KLK11: variants seen among roughly 807,000 people sequenced by gnomAD.
KLK11 encodes kallikrein related peptidase 11.
A neutral mutation model predicts 23.4 loss-of-function variants in KLK11; 10 were observed. That is an observed-to-expected ratio of 0.43 (90% CI 0.26 to 0.73). The LOEUF is 0.73. KLK11 is among the 30% of genes least tolerant of loss of function. The probability of loss-of-function intolerance (pLI) is 0.22; values close to 1 mark genes in which losing one functional copy is unlikely to be tolerated. For synonymous variants in KLK11, 131 were observed against 131.7 expected (o/e 0.99, Z 0.03); for missense variants, 285 against 327.8 (o/e 0.87, Z 1.01).
rs745599226 is a variant in KLK11 at position 51,022,564 on chromosome 19, T to C, written c.734A>G (p.Glu245Gly). ...TCCAGTCTAATTGTTCTTCATCGTC[T>C]CCTGGATCCAGTCCACATATTTGCA... ...KVCKYVDWIQ[E>G]TMKNN The change falls in exon 6 of 6, where the codon GAG becomes GGG. Residue 245 changes from glutamate (E) to glycine (G), a missense_variant. Coordinates refer to ENST00000453757, the MANE Select transcript of KLK11 (RefSeq NM_001136032.3). The C allele has an allele frequency of 3.1e-6, 5 of 1,614,110 alleles. No individual in the cohort carries two copies. The Admixed American group carries it at 5.0e-5, about 16-fold the overall frequency.
chr19:51,023,798 G>T (rs1390898158), intron 4 of KLK11: 5 of 416,764 alleles, frequency 1.2e-5, no homozygotes, highest in Non-Finnish European at 2.1e-5. Context: ...AAGATTCAGA[G>T]AGGTGAAGCT....
At chr19:51,026,963 TTC>T (rs879457687), upstream of KLK11, 35 of 157,104 alleles carry the variant, frequency 2.2e-4, no homozygotes, top group Non-Finnish European at 4.3e-4. Context: ...CTGTCTGCCT[TTC>T]TCTGTCCTCG....
Position 51,026,555 on chromosome 19 carries a change from C to G in KLK11, c.-53G>C. 7.1e-6 allele frequency: 7 copies of G among 986,672 alleles called. No homozygotes were observed. Among genetic ancestry groups the G allele is most frequent in the Non-Finnish European group, 8.4e-6 (7 of 830,430 alleles). 61.1% of individuals were successfully genotyped at this position (986,672 alleles called of 1,614,324 possible). Reference sequence around the variant, plus strand: ...GGACTCACAGGCTCTGGGGCTGGGGCTCTGGGGGCCCAGTGGCGGCGGAGA... The same window carrying G: ...GGACTCACAGGCTCTGGGGCTGGGGGTCTGGGGGCCCAGTGGCGGCGGAGA... On this transcript the variant is annotated 5_prime_UTR_variant, in exon 1 of 6. Coordinates refer to ENST00000453757, the MANE Select transcript of KLK11 (RefSeq NM_001136032.3).
chr19:51,024,219 CG>C lies in KLK11; in HGVS notation c.288del (p.Gly97AlafsTer18). ...TTGTTGGGGAGGCTGTTGTTGAAGCCGGGGTGGGGGAAGGACTCAGTGGCTG... is the reference window on the plus strand; with the variant it reads ...TTGTTGGGGAGGCTGTTGTTGAAGCCGGGTGGGGGAAGGACTCAGTGGCTG... Reference protein sequence around the residue: ...TRTATESFPHPGFNNSLPNKD... With the variant: ...TRTATESFPHXGFNNSLPNKD... On this transcript the variant is annotated frameshift_variant, in exon 4 of 6. Coordinates refer to ENST00000453757, the MANE Select transcript of KLK11 (RefSeq NM_001136032.3). LOFTEE classifies it high-confidence loss of function. The surrounding 1 kb of genome is among the most constrained non-coding windows in gnomAD (Gnocchi z 6.2). The C allele has an allele frequency of 6.2e-7, 1 of 1,614,026 alleles. No homozygotes were observed. The highest frequency in any genetic ancestry group is 2.2e-5 in the East Asian group (1 of 44,874).
chr19:51,025,624 A>G lies in KLK11; in HGVS notation c.8T>C (p.Ile3Thr), dbSNP rs1285653578. The G allele has an allele frequency of 3.1e-6, 5 of 1,590,262 alleles. No homozygotes were observed. Among genetic ancestry groups the G allele is most frequent in the Non-Finnish European group, 4.3e-6 (5 of 1,168,380 alleles). Residue 3 changes from isoleucine to threonine, a missense_variant, in exon 2 of 6, where the codon ATT becomes ACT. Physicochemically the swap from Ile to Thr is moderately conservative, Grantham distance 89 (BLOSUM62 -1). Transcript: ENST00000453757. The surrounding 1 kb of genome is among the most constrained non-coding windows in gnomAD (Gnocchi z 6.2). Reference protein sequence around the residue: MRILQLILLALAT... With the variant: MRTLQLILLALAT... ...CAGAGCAAGCAGGATTAACTGCAGA[A>G]TCCTCATGGCCTGGAGGGGGGAGGA...
chr19:51,022,738 G>GAGC (rs1568569993), intron 5 of KLK11, 41 bp from the exon 6 acceptor site: 2 of 1,610,884 alleles, frequency 1.2e-6, no homozygotes, highest in Admixed American at 3.3e-5. Context: ...AGAAAGCGTT[G>GAGC]AGCATGGTGT....
chr19:51,026,671 G>A (rs1450522356), upstream of KLK11: 8 of 902,796 alleles, frequency 8.9e-6, no homozygotes, highest in Non-Finnish European at 9.3e-6. Context: ...GCGGCCCTGG[G>A]CGGGCCCAGG....
chr19:51,026,174 A>G (rs1206884436), intron 1 of KLK11, among the ~76,000 whole-genome samples: 2 of 151,908 alleles, frequency 1.3e-5, no homozygotes, highest in Non-Finnish European at 1.5e-5. Flanking sequence ...AGCCCCAGAC[A>G]ATGTCTGGGA....
At chr19:51,027,529 G>T, upstream of KLK11, 3 of 1,613,908 alleles carry the variant, frequency 1.9e-6, no homozygotes, top group Non-Finnish European at 2.5e-6. Context: ...TGCGGAACCC[G>T]AGCGCAGATT....
Position 51,025,696 on chromosome 19 carries a change from T to A in KLK11, c.-35-30A>T. The A allele has an allele frequency of 8.7e-6, 10 of 1,153,938 alleles. No homozygotes were observed. Among genetic ancestry groups the A allele is most frequent in the Non-Finnish European group, 1.2e-5 (10 of 812,042 alleles). The allele number at this position is 1,153,938 out of a possible 1,614,324, so 71.5% of individuals were successfully genotyped here. ...GAACAAGGAGGGACATGGGGCCGCA[T>A]CACTTTACGGGGAAATCGGGAGGGG... On this transcript the variant is annotated intron_variant, in intron 1 of 5. Coordinates refer to ENST00000453757, the MANE Select transcript of KLK11 (RefSeq NM_001136032.3). This position sits in a 1 kb window ranked among gnomAD's most constrained non-coding sequence, Gnocchi z 6.2.
At chr19:51,027,108 C>A, upstream of KLK11, 1 of 249,082 alleles carries the variant, frequency 4.0e-6, no homozygotes, top group Non-Finnish European at 7.7e-6. Flanking sequence ...AATCCCTCTT[C>A]TTCCATCTAA....
chr19:51,025,557 G>C lies in KLK11; in HGVS notation c.40+35C>G, dbSNP rs369986956. 108 of 1,415,722 alleles carry C rather than the reference G, an allele frequency of 7.6e-5. No homozygotes were observed. The highest frequency in any genetic ancestry group is 9.9e-5 in the Non-Finnish European group (103 of 1,038,474). The allele number at this position is 1,415,722 out of a possible 1,614,324, so 87.7% of individuals were successfully genotyped here. A position where few individuals can be genotyped will look rare whatever the true frequency, so the allele number is the denominator to read the frequency against. ...GTTAGGGGATCCCAGAGATTCAAGA[G>C]GGAGGATCCTGCCCTGCCCCCATCC... On this transcript the variant is annotated intron_variant, in intron 2 of 5. Coordinates refer to ENST00000453757, the MANE Select transcript of KLK11 (RefSeq NM_001136032.3). This position sits in a 1 kb window ranked among gnomAD's most constrained non-coding sequence, Gnocchi z 6.2.
At position 51,024,504 on chromosome 19, in the gene KLK11, G is replaced by A; in HGVS notation, c.197+134C>T. ...CCCCCCACCTTCAATACCAACTCGA[G>A]CCCATCAACCTTGCTGACACTACCC... On this transcript the variant is annotated intron_variant, in intron 3 of 5. Transcript: ENST00000453757. This position sits in a 1 kb window ranked among gnomAD's most constrained non-coding sequence, Gnocchi z 6.2. 8.1e-7 allele frequency: 1 copy of A among 1,228,120 alleles called. No homozygotes were observed. The highest frequency in any genetic ancestry group is 1.1e-6 in the Non-Finnish European group (1 of 909,436). 76.1% of individuals were successfully genotyped at this position (1,228,120 alleles called of 1,614,324 possible). A position where few individuals can be genotyped will look rare whatever the true frequency, so the allele number is the denominator to read the frequency against.
At chr19:51,027,410 C>T (rs761194483), upstream of KLK11, 41 of 1,596,068 alleles carry the variant, frequency 2.6e-5, no homozygotes, top group Non-Finnish European at 2.5e-5. Flanking sequence ...TTCCCCTGCC[C>T]GCTTCTCCCT....
Position 51,025,773 on chromosome 19 carries a change from T to C in KLK11, c.-35-107A>G, listed in dbSNP as rs559261409. On this transcript the variant is annotated intron_variant, in intron 1 of 5. Coordinates refer to ENST00000453757, the MANE Select transcript of KLK11 (RefSeq NM_001136032.3). The surrounding 1 kb of genome is among the most constrained non-coding windows in gnomAD (Gnocchi z 6.2). ...TCCCTCACCTGCTCCCGCTCCCCAC[T>C]TGGGAGAAACAAGGTTGGGGAAATC... The C allele has an allele frequency of 9.1e-5, 48 of 524,920 alleles. No individual in the cohort carries two copies. The highest frequency in any genetic ancestry group is 7.8e-4 in the African/African-American group (39 of 50,302). 32.5% of individuals were successfully genotyped at this position (524,920 alleles called of 1,614,324 possible).
Position 51,025,799 on chromosome 19 carries a change from C to T in KLK11, c.-35-133G>A, listed in dbSNP as rs2091477326. 2 of 511,490 alleles carry T rather than the reference C, an allele frequency of 3.9e-6. No individual in the cohort carries two copies. The highest frequency in any genetic ancestry group is 7.0e-6 in the Non-Finnish European group (2 of 283,954). The allele number at this position is 511,490 out of a possible 1,614,324, so 31.7% of individuals were successfully genotyped here. A position where few individuals can be genotyped will look rare whatever the true frequency, so the allele number is the denominator to read the frequency against. On this transcript the variant is annotated intron_variant, in intron 1 of 5. Coordinates refer to ENST00000453757, the MANE Select transcript of KLK11 (RefSeq NM_001136032.3). This position sits in a 1 kb window ranked among gnomAD's most constrained non-coding sequence, Gnocchi z 6.2. ...TGGGAGAAACAAGGTTGGGGAAATC[C>T]CCTGTTTCTCACAGCACTCAGATCT... is the stretch of plus-strand genomic sequence containing the variant.
chr19:51,025,260 C>A lies in KLK11; in HGVS notation c.40+332G>T, dbSNP rs2091464276. On this transcript the variant is annotated intron_variant, in intron 2 of 5. Coordinates refer to ENST00000453757, the MANE Select transcript of KLK11 (RefSeq NM_001136032.3). The surrounding 1 kb of genome is among the most constrained non-coding windows in gnomAD (Gnocchi z 6.2). ...CTCCAGCCTGGACAATAGAGCAAGA[C>A]TTTGTCTCTGGGAAAAAAAAAAAAG... Among the ~76,000 whole-genome samples, 1 of 149,090 alleles carries A rather than the reference C, an allele frequency of 6.7e-6. No individual in the cohort carries two copies. The highest frequency in any genetic ancestry group is 6.7e-5 in the Admixed American group (1 of 14,954).
At position 51,025,694 on chromosome 19, in the gene KLK11, C is replaced by T. The variant is rs1043997847; in HGVS notation, c.-35-28G>A. 6 of 1,200,034 alleles carry T rather than the reference C, an allele frequency of 5.0e-6. No individual in the cohort carries two copies. In the Admixed American group the frequency reaches 1.5e-4, roughly 30 times the overall value. 74.3% of individuals were successfully genotyped at this position (1,200,034 alleles called of 1,614,324 possible). On this transcript the variant is annotated intron_variant, in intron 1 of 5. Coordinates refer to ENST00000453757, the MANE Select transcript of KLK11 (RefSeq NM_001136032.3). This position sits in a 1 kb window ranked among gnomAD's most constrained non-coding sequence, Gnocchi z 6.2. ...GGGAACAAGGAGGGACATGGGGCCGCATCACTTTACGGGGAAATCGGGAGG... is the reference window on the plus strand; with the variant it reads ...GGGAACAAGGAGGGACATGGGGCCGTATCACTTTACGGGGAAATCGGGAGG...
chr19:51,023,162 G>A lies in KLK11; in HGVS notation c.530C>T (p.Ala177Val). The change falls in exon 5 of 6, where the codon GCC becomes GTC. Residue 177 changes from alanine to valine, a missense_variant. Ala to Val is a moderately conservative substitution (Grantham distance 64). Transcript: ENST00000453757. ...TIIEHQKCENAYPGNITDTMV... is the reference protein window; with the variant it reads ...TIIEHQKCENVYPGNITDTMV... The stretch of plus-strand genomic sequence containing the variant: ...GGTGTCTGTGATGTTGCCGGGGTAG[G>A]CGTTCTCACACTTCTGGTGCTCAAT... 6.2e-7 allele frequency: 1 copy of A among 1,613,706 alleles called. No homozygotes were observed. The highest frequency in any genetic ancestry group is 8.5e-7 in the Non-Finnish European group (1 of 1,179,892).
Sources: allele counts gnomAD v4.1 joint callset (sites outside exome capture counted in the v4.1 genomes callset), GRCh38; gene constraint gnomAD v4.1.1; non-coding constraint Gnocchi (gnomAD v3.1); transcripts MANE v1.5; gene names NCBI Gene and HGNC (gene_info 2026-07-23, HGNC 2026-07-21).